RBFOX1: variants seen among roughly 807,000 people sequenced by gnomAD.
RBFOX1 encodes the protein RNA binding protein fox-1 homolog 1.
In RBFOX1, 8 loss-of-function variants were observed where a neutral mutation model predicts 57.7. The ratio of observed to expected loss-of-function variants is 0.14; its 90% CI spans 0.08 to 0.25. The LOEUF is 0.25. RBFOX1 is among the 10% of genes least tolerant of loss of function. The pLI, the probability that RBFOX1 is intolerant of heterozygous loss-of-function variation, is 1.00. For missense variants in RBFOX1, 611 were observed against 548.5 expected (o/e 1.11, Z -1.14); for synonymous variants, 326 against 222.4 (o/e 1.47, Z -4.15).
chr16:6,425,244 T>C (rs1436899683), intron 2 of RBFOX1, among the ~76,000 whole-genome samples: 2 of 151,888 alleles, frequency 1.3e-5, no homozygotes, highest in East Asian at 3.9e-4. Flanking sequence ...GGAAGGAGAG[T>C]ATGGTCAACA....
chr16:5,842,636 A>C (rs1216738558), intron 3 of RBFOX1, among the ~76,000 whole-genome samples: 1 of 152,158 alleles, frequency 6.6e-6, no homozygotes. Context: ...ATAATAGAAA[A>C]TAATGAGGTC....
intron 2 of RBFOX1, among the ~76,000 whole-genome samples, chr16:5,520,711 T>C (rs374590581): frequency 2.0e-5 from 3 of 152,208 alleles, no homozygotes; most frequent in South Asian, 4.1e-4. Context: ...GCAAAACTTA[T>C]CTGTAGGAGG....
chr16:7,477,975 A>G (rs550288957), intron 4 of RBFOX1, among the ~76,000 whole-genome samples: 2 of 152,336 alleles, frequency 1.3e-5, no homozygotes, highest in East Asian at 1.9e-4. Context: ...TTTGACTTTG[A>G]TTCATAAGTA....
At chr16:6,808,237 C>T (rs890448241) in intron 3 of RBFOX1, among the ~76,000 whole-genome samples, 22 of 150,260 alleles carry the variant, frequency 1.5e-4, no homozygotes, top group African/African-American at 4.7e-4. Flanking sequence ...CAGCATGTAG[C>T]CTTTATATTC....
At chr16:6,341,754 A>G (rs2084613136) in intron 2 of RBFOX1, among the ~76,000 whole-genome samples, 1 of 151,900 alleles carries the variant, frequency 6.6e-6, no homozygotes, top group African/African-American at 2.4e-5. Flanking sequence ...CTGTTATTTC[A>G]CCACTTTACT....
intron 4 of RBFOX1, among the ~76,000 whole-genome samples, chr16:7,324,058 T>G (rs1283531595): frequency 1.3e-5 from 2 of 152,124 alleles, no homozygotes; most frequent in Admixed American, 1.3e-4. Context: ...TTTACAGGAC[T>G]TCTCAGGTGC....
intron 3 of RBFOX1, among the ~76,000 whole-genome samples, chr16:6,842,070 G>A (rs1003667176): frequency 2.6e-5 from 4 of 151,878 alleles, no homozygotes; most frequent in Admixed American, 6.6e-5. Flanking sequence ...GTGAACCCGG[G>A]AGGCGGAACT....
intron 1 of RBFOX1, among the ~76,000 whole-genome samples, chr16:6,263,192 T>A (rs2097711789): frequency 6.6e-6 from 1 of 152,172 alleles, no homozygotes; most frequent in South Asian, 2.1e-4. Flanking sequence ...TTCTGCTCAA[T>A]ATTGGAGGGT....
At chr16:6,652,676 C>G (rs1210625667) in intron 2 of RBFOX1, among the ~76,000 whole-genome samples, 3 of 151,992 alleles carry the variant, frequency 2.0e-5, no homozygotes, top group Non-Finnish European at 4.4e-5. Context: ...TTATGGCATT[C>G]CTAGCCGACT....
intron 4 of RBFOX1, among the ~76,000 whole-genome samples, chr16:5,971,787 G>C (rs559410106): frequency 3.3e-5 from 5 of 152,300 alleles, no homozygotes; most frequent in African/African-American, 7.2e-5. Flanking sequence ...CTAGGCCATG[G>C]GGTGCCCAGA....
chr16:5,730,050 G>T (rs1290683510), intron 3 of RBFOX1, among the ~76,000 whole-genome samples: 1 of 152,176 alleles, frequency 6.6e-6, no homozygotes, highest in South Asian at 2.1e-4. Context: ...TCCACTTTGA[G>T]TATCACACAG....
rs59117140 is a variant in RBFOX1 at position 5,548,158 on chromosome 16, TAAAA to T, written c.259-50730_259-50727del. 3.6e-3 allele frequency among the ~76,000 whole-genome samples: 294 copies of T among 82,318 alleles called. 6 individuals are homozygous for T. The highest frequency in any genetic ancestry group is 0.019 in the Middle Eastern group (3 of 154). 54.0% of individuals were successfully genotyped at this position (82,318 alleles called of 152,430 possible). A position where few individuals can be genotyped will look rare whatever the true frequency, so the allele number is the denominator to read the frequency against. The stretch of plus-strand genomic sequence containing the variant: ...CCTGGGTGACAGAGCAAGACTCTGT[TAAAA>T]AAAAAAAAAAAAATATATATATATA... On this transcript the variant is annotated intron_variant, in intron 2 of 2. Transcript: ENST00000585867.
intron 13 of RBFOX1, among the ~76,000 whole-genome samples, chr16:7,666,801 G>T (rs1185612746): frequency 6.6e-6 from 1 of 152,250 alleles, no homozygotes; most frequent in African/African-American, 2.4e-5. Context: ...GAAAGCCACA[G>T]AAGTGTCCCT....
intron 1 of RBFOX1, among the ~76,000 whole-genome samples, chr16:6,193,392 C>CATTATATATATATACTATATATA (rs1555545384): frequency 2.3e-5 from 1 of 43,222 alleles, no homozygotes; most frequent in Non-Finnish European, 4.8e-5. Context: ...TATATATATA[C>CATTATATATATATACTATATATA]TATATATATA....
chr16:7,206,770 G>A (rs1242438900), intron 4 of RBFOX1, among the ~76,000 whole-genome samples: 2 of 152,022 alleles, frequency 1.3e-5, no homozygotes, highest in African/African-American at 4.8e-5. Context: ...TCCCAGTCCT[G>A]GCCAAGGAGA....
intron 2 of RBFOX1, among the ~76,000 whole-genome samples, chr16:6,447,988 C>G (rs947944223): frequency 2.0e-5 from 3 of 152,114 alleles, no homozygotes; most frequent in Non-Finnish European, 2.9e-5. Context: ...GTCTCTCTCT[C>G]TCTCTCATAA....
intron 1 of RBFOX1, among the ~76,000 whole-genome samples, chr16:5,333,605 G>A (rs1280436284): frequency 6.6e-6 from 1 of 152,212 alleles, no homozygotes; most frequent in Non-Finnish European, 1.5e-5. Flanking sequence ...AAGTGCTTCA[G>A]TGTACTGTCA....
intron 4 of RBFOX1, among the ~76,000 whole-genome samples, chr16:7,269,868 C>A (rs1258014903): frequency 6.6e-6 from 1 of 152,188 alleles, no homozygotes; most frequent in Non-Finnish European, 1.5e-5. Context: ...CCCTGCACAT[C>A]CCATAACCAT....
chr16:7,062,925 T>G (rs928119499), intron 4 of RBFOX1, among the ~76,000 whole-genome samples: 1 of 113,088 alleles, frequency 8.8e-6, no homozygotes, highest in African/African-American at 3.1e-5. Flanking sequence ...TTTTTTTTTT[T>G]TTTGCTGAAG....
Sources: gnomAD v4.1 joint callset for allele counts (sites outside exome capture counted in the v4.1 genomes callset) on GRCh38, gnomAD v4.1.1 for gene constraint, MANE v1.5 for transcripts, NCBI Gene and HGNC (gene_info 2026-07-23, HGNC 2026-07-21) for gene names.